DOCK4: variants seen among roughly 807,000 people sequenced by gnomAD.
DOCK4 encodes dedicator of cytokinesis protein 4.
DOCK4 carries 97 observed loss-of-function variants against 268.1 expected under a neutral mutation model. The ratio of observed to expected loss-of-function variants is 0.36; its 90% CI spans 0.31 to 0.43. DOCK4 has a LOEUF of 0.43. DOCK4 is among the 20% of genes least tolerant of loss of function. The pLI, the probability that DOCK4 is intolerant of heterozygous loss-of-function variation, is 1.00. For missense variants in DOCK4, 2,145 were observed against 2,455.7 expected (o/e 0.87, Z 2.67); for synonymous variants, 954 against 887.2 (o/e 1.08, Z -1.34).
At chr7:112,153,423 C>T (rs1330642310) in intron 1 of DOCK4, among the ~76,000 whole-genome samples, 1 of 152,150 alleles carries the variant, frequency 6.6e-6, no homozygotes, top group African/African-American at 2.4e-5. Flanking sequence ...CTACACTTTA[C>T]ATTTAAGGTT....
intron 36 of DOCK4, among the ~76,000 whole-genome samples, chr7:111,771,691 C>T (rs938791846): frequency 1.4e-4 from 21 of 152,124 alleles, no homozygotes; most frequent in African/African-American, 3.4e-4. Flanking sequence ...TTATAATAAA[C>T]GCTAAGTATC....
At chr7:112,132,007 C>A (rs2116117130) in intron 1 of DOCK4, among the ~76,000 whole-genome samples, 1 of 152,272 alleles carries the variant, frequency 6.6e-6, no homozygotes. Flanking sequence ...TCATTGTGAG[C>A]CTGAAAGGCT....
At position 112,152,605 on chromosome 7, in the gene DOCK4, C is replaced by T. The variant is rs1586930760; in HGVS notation, c.37+53497G>A. ...CGATTTTAAATCCCAAAAACAAACT[C>T]ATCCACCATTCAAAACATACTAAAG... On this transcript the variant is annotated intron_variant, in intron 1 of 52. Coordinates refer to ENST00000428084, the MANE Select transcript of DOCK4 (RefSeq NM_001363540.2). Among the ~76,000 whole-genome samples the T allele has an allele frequency of 3.3e-5, 5 of 152,312 alleles. No homozygotes were observed. The South Asian group carries it at 1.0e-3, about 32-fold the overall frequency.
At chr7:111,733,036 C>A (rs1408602211) in intron 51 of DOCK4, among the ~76,000 whole-genome samples, 4 of 152,218 alleles carry the variant, frequency 2.6e-5, no homozygotes, top group Non-Finnish European at 5.9e-5. Flanking sequence ...TAAAGCATAG[C>A]CCTGTATGGT....
At chr7:111,936,685 A>C (rs568817295) in intron 11 of DOCK4, among the ~76,000 whole-genome samples, 1 of 152,340 alleles carries the variant, frequency 6.6e-6, no homozygotes, top group African/African-American at 2.4e-5. Context: ...ATTAGCCATG[A>C]ATGCATCCTC....
intron 5 of DOCK4, among the ~76,000 whole-genome samples, 155 bp from the exon 6 acceptor site, chr7:111,989,318 A>G (rs74365019): frequency 0.036 from 5,422 of 152,286 alleles, 186 homozygotes; most frequent in East Asian, 0.15. Context: ...TTCGCTCACT[A>G]TCCTCAAACA....
At chr7:112,082,825 G>A (rs553052178) in intron 1 of DOCK4, among the ~76,000 whole-genome samples, 17 of 152,130 alleles carry the variant, frequency 1.1e-4, no homozygotes, top group African/African-American at 4.1e-4. Flanking sequence ...TCATGTATCT[G>A]AAAAATATAT....
At chr7:112,101,244 A>C (rs982065259) in intron 1 of DOCK4, among the ~76,000 whole-genome samples, 13 of 152,232 alleles carry the variant, frequency 8.5e-5, no homozygotes, top group Non-Finnish European at 1.5e-4. Flanking sequence ...TCCCAGTGTA[A>C]GGTCATGCTG....
At chr7:111,835,505 A>G (rs1803167705) in intron 25 of DOCK4, among the ~76,000 whole-genome samples, 1 of 152,240 alleles carries the variant, frequency 6.6e-6, no homozygotes, top group Non-Finnish European at 1.5e-5. Context: ...TAAAATTGCT[A>G]TCACTTGCAT....
At chr7:111,782,981 G>A (rs982372871) in intron 34 of DOCK4, 57 bp from the exon 35 acceptor site, 2 of 1,013,584 alleles carry the variant, frequency 2.0e-6, no homozygotes, top group Non-Finnish European at 2.9e-6. Context: ...GGCAAACACA[G>A]TTTGTTCTTT....
At chr7:111,735,433 C>T (rs1170492914) in intron 50 of DOCK4, among the ~76,000 whole-genome samples, 1 of 152,110 alleles carries the variant, frequency 6.6e-6, no homozygotes, top group African/African-American at 2.4e-5. Flanking sequence ...GTAAAACTTG[C>T]TGAGAATTAC....
intron 8 of DOCK4, among the ~76,000 whole-genome samples, chr7:111,951,454 G>A (rs576992041): frequency 5.3e-5 from 8 of 152,074 alleles, no homozygotes; most frequent in Admixed American, 3.9e-4. Flanking sequence ...AGTCTGATTT[G>A]AGAGTCTCAC....
chr7:111,892,094 T>C (rs899999415), intron 16 of DOCK4, among the ~76,000 whole-genome samples: 1 of 152,204 alleles, frequency 6.6e-6, no homozygotes, highest in Admixed American at 6.5e-5. Context: ...TTACTTGATT[T>C]TTAAATTTGA....
intron 1 of DOCK4, among the ~76,000 whole-genome samples, chr7:112,054,788 T>G (rs1236971860): frequency 2.0e-5 from 3 of 152,162 alleles, no homozygotes; most frequent in South Asian, 2.1e-4. Flanking sequence ...TGAGCAACAA[T>G]ACAATAGGCG....
intron 1 of DOCK4, among the ~76,000 whole-genome samples, chr7:112,027,661 T>C (rs149372026): frequency 6.6e-6 from 1 of 152,332 alleles, no homozygotes; most frequent in Non-Finnish European, 1.5e-5. Context: ...CTTAATTAAG[T>C]GGAAGACTCA....
chr7:112,031,434 C>CCCCT (rs763212436), intron 1 of DOCK4, among the ~76,000 whole-genome samples: 2 of 151,854 alleles, frequency 1.3e-5, no homozygotes, highest in Non-Finnish European at 2.9e-5. Flanking sequence ...TTTCCTTCCT[C>CCCCT]CCCTCCCTCC....
chr7:111,924,106 G>A (rs1282382424), intron 12 of DOCK4, among the ~76,000 whole-genome samples: 1 of 151,916 alleles, frequency 6.6e-6, no homozygotes, highest in Non-Finnish European at 1.5e-5. Context: ...TTTTTATGAT[G>A]TTTTCTTTTT....
chr7:111,933,099 C>T (rs1485540467), intron 12 of DOCK4, among the ~76,000 whole-genome samples: 17 of 137,184 alleles, frequency 1.2e-4, no homozygotes, highest in Admixed American at 1.2e-3. Flanking sequence ...CGTATATACA[C>T]ATATATATAC....
intron 26 of DOCK4, among the ~76,000 whole-genome samples, chr7:111,827,387 A>G (rs564595971): frequency 1.4e-4 from 22 of 152,334 alleles, no homozygotes; most frequent in Admixed American, 8.5e-4. Context: ...TTCTTTCAAC[A>G]AAGATTTAAT....
Sources: gnomAD v4.1 joint callset for allele counts (sites outside exome capture counted in the v4.1 genomes callset) on GRCh38, gnomAD v4.1.1 for gene constraint, MANE v1.5 for transcripts, NCBI Gene and HGNC (gene_info 2026-07-23, HGNC 2026-07-21) for gene names.